Variants in KLHL2 observed in about 807,000 individuals in gnomAD.
KLHL2 encodes the protein kelch-like protein 2.
A neutral mutation model predicts 75.8 loss-of-function variants in KLHL2; 15 were observed. That is an observed-to-expected ratio of 0.20 (90% CI 0.13 to 0.30). KLHL2 has a LOEUF of 0.30. KLHL2 is among the 10% of genes least tolerant of loss of function. The probability of loss-of-function intolerance (pLI) is 1.00; values close to 1 mark genes in which losing one functional copy is unlikely to be tolerated. For synonymous variants in KLHL2, 214 were observed against 251.9 expected (o/e 0.85, Z 1.42); for missense variants, 381 against 741.0 (o/e 0.51, Z 5.64).
At chr4:165,272,412 A>T (rs986716261) in intron 5 of KLHL2, among the ~76,000 whole-genome samples, 1 of 152,212 alleles carries the variant, frequency 6.6e-6, no homozygotes, top group African/African-American at 2.4e-5. Context: ...TTCAGATTCC[A>T]TTAACTGCTA....
Position 165,313,296 on chromosome 4 carries a change from A to T in KLHL2, c.1398A>T (p.Val466=). The change falls in exon 12 of 15, where the codon GTA becomes GTT. Residue 466 remains valine (V), a synonymous_variant. Transcript: ENST00000226725. The part of the protein sequence containing the change: ...DGASRQCLST[V]ECYNATTNEW... The stretch of plus-strand genomic sequence containing the variant: ...CATCACGTCAGTGTCTTAGCACAGT[A>T]GAATGCTATAATGCTACAACAAATG... 1 of 1,602,368 alleles carries T rather than the reference A, an allele frequency of 6.2e-7. No homozygotes were observed. Among genetic ancestry groups the T allele is most frequent in the Non-Finnish European group, 8.5e-7 (1 of 1,175,266 alleles).
intron 5 of KLHL2, among the ~76,000 whole-genome samples, chr4:165,283,942 G>C (rs1397964422): frequency 6.6e-6 from 1 of 152,232 alleles, no homozygotes; most frequent in East Asian, 1.9e-4. Flanking sequence ...CAAGGCTTGA[G>C]GCTTGCACCC....
chr4:165,208,016 G>GA, intron 1 of KLHL2, 114 bp downstream of exon 1: 1 of 667,042 alleles, frequency 1.5e-6, no homozygotes, highest in Non-Finnish European at 2.1e-6. Context: ...CGGGAGGTGG[G>GA]AGATGCGGGG....
chr4:165,304,367 A>C (rs539035386), intron 8 of KLHL2, among the ~76,000 whole-genome samples: 12 of 152,270 alleles, frequency 7.9e-5, no homozygotes, highest in African/African-American at 2.9e-4. Context: ...TTTAATTCTA[A>C]GTACAGGTAG....
At chr4:165,210,207 A>C in intron 1 of KLHL2, 2 of 1,548,978 alleles carry the variant, frequency 1.3e-6, no homozygotes, top group Non-Finnish European at 1.7e-6. Flanking sequence ...TAATTCATTC[A>C]ATGTGCAAAT....
rs557934394 is a variant in KLHL2, at chr4:165,238,608, G to GTGA, written c.260-169_260-167dup. Among the ~76,000 whole-genome samples, 485 of 152,316 alleles carry GTGA rather than the reference G, an allele frequency of 3.2e-3. 1 individual carries two copies. The highest frequency in any genetic ancestry group is 5.7e-3 in the Non-Finnish European group (387 of 68,026). ...AAAGTACATTTTATGATTTGCTCAG[G>GTGA]TGAGCTTTTGGAAGAGGAAGGGGGG... is the stretch of plus-strand genomic sequence containing the variant. On this transcript the variant is annotated intron_variant, in intron 3 of 14. Transcript: ENST00000226725.
chr4:165,288,513 A>T (rs768234496), intron 5 of KLHL2, among the ~76,000 whole-genome samples: 5 of 152,152 alleles, frequency 3.3e-5, no homozygotes, highest in Non-Finnish European at 7.4e-5. Flanking sequence ...GCATTCTCAC[A>T]TCTGTCGTTC....
chr4:165,211,313 T>C (rs1165839816), intron 1 of KLHL2, among the ~76,000 whole-genome samples: 1 of 152,242 alleles, frequency 6.6e-6, no homozygotes, highest in Non-Finnish European at 1.5e-5. Context: ...CTTCCTCAAA[T>C]ATAAGGAAGA....
chr4:165,292,713 C>T (rs1253073842), intron 5 of KLHL2, among the ~76,000 whole-genome samples: 4 of 151,974 alleles, frequency 2.6e-5, no homozygotes, highest in African/African-American at 9.7e-5. Flanking sequence ...GAAGGGGAAG[C>T]CAACTGTTCC....
intron 8 of KLHL2, among the ~76,000 whole-genome samples, chr4:165,301,776 T>G (rs1215903560): frequency 6.6e-6 from 1 of 152,226 alleles, no homozygotes; most frequent in Non-Finnish European, 1.5e-5. Context: ...TACTTCATAT[T>G]TGTAAAAAAG....
At chr4:165,321,964 G>T in intron 14 of KLHL2, 68 bp from the exon 15 acceptor site, 1 of 1,333,982 alleles carries the variant, frequency 7.5e-7, no homozygotes, top group South Asian at 1.2e-5. Flanking sequence ...ATGAAGAATT[G>T]AGTGTTTTCT....
chr4:165,208,646 G>C (rs749662042), intron 1 of KLHL2: 2 of 151,634 alleles, frequency 1.3e-5, no homozygotes, highest in Non-Finnish European at 2.9e-5. Context: ...TTCAGAACAA[G>C]GGTTTTTTTT....
intron 8 of KLHL2, among the ~76,000 whole-genome samples, chr4:165,303,271 A>G (rs1469763849): frequency 6.6e-6 from 1 of 152,204 alleles, no homozygotes; most frequent in Non-Finnish European, 1.5e-5. Flanking sequence ...TAGAAATCTT[A>G]TATTCAAACT....
In KLHL2 at chr4:165,322,565, T is replaced by C. The variant is rs937828350; in HGVS notation, c.*505T>C. On this transcript the variant is annotated 3_prime_UTR_variant, in exon 15 of 15. Transcript: ENST00000226725. ...AATAACTTTGATTACATGAATATAA[T>C]AAATTATGTGCATATAAATGTGTGT... 1 of 152,922 alleles carries C rather than the reference T, an allele frequency of 6.5e-6. No homozygotes were observed. Among genetic ancestry groups the C allele is most frequent in the African/African-American group, 2.4e-5 (1 of 41,468 alleles). The allele number at this position is 152,922 out of a possible 1,614,324, so 9.5% of individuals were successfully genotyped here. A position where few individuals can be genotyped will look rare whatever the true frequency, so the allele number is the denominator to read the frequency against.
chr4:165,310,633 G>T lies in KLHL2; in HGVS notation c.1120G>T (p.Asp374Tyr). ...SLRVRTVDSY[D>Y]PVKDQWTSVA... ...AAGAGTTCGCACTGTAGATTCCTAC[G>T]ACCCTGTGAAGGACCAGTGGACCAG... The change falls in exon 10 of 15, where the codon GAC (aspartate) becomes TAC (tyrosine). Residue 374 changes from aspartate to tyrosine, a missense_variant. Physicochemically the swap from Asp to Tyr is radical, Grantham distance 160. This residue lies in a region of KLHL2 where 168 missense variants were observed against 370.4 expected (regional missense o/e 0.45). Coordinates refer to ENST00000226725, the MANE Select transcript of KLHL2 (RefSeq NM_007246.4). 6.2e-7 allele frequency: 1 copy of T among 1,614,020 alleles called. No individual in the cohort carries two copies. Among genetic ancestry groups the T allele is most frequent in the Non-Finnish European group, 8.5e-7 (1 of 1,179,948 alleles).
chr4:165,263,096 T>C lies in KLHL2; in HGVS notation c.382-101T>C, dbSNP rs955907325. ...GGGAATATGGGGGTATGGACGCAGA[T>C]AATAAACTATGGCTGAACATCTTGT... On this transcript the variant is annotated intron_variant, in intron 4 of 14. Coordinates refer to ENST00000226725, the MANE Select transcript of KLHL2 (RefSeq NM_007246.4). The C allele has an allele frequency of 2.9e-6, 3 of 1,026,500 alleles. No homozygotes were observed. The African/African-American group carries it at 4.8e-5, about 16-fold the overall frequency. 63.6% of individuals were successfully genotyped at this position (1,026,500 alleles called of 1,614,324 possible).
chr4:165,238,411 G>A (rs1367025726), intron 3 of KLHL2, among the ~76,000 whole-genome samples: 1 of 152,066 alleles, frequency 6.6e-6, no homozygotes, highest in Non-Finnish European at 1.5e-5. Flanking sequence ...TTAGCCAAAG[G>A]CAGTAACATC....
intron 4 of KLHL2, among the ~76,000 whole-genome samples, chr4:165,239,200 T>G (rs1252954900): frequency 6.6e-6 from 1 of 152,148 alleles, no homozygotes. Context: ...CAATTTTTCT[T>G]TATTCCTTGG....
At chr4:165,309,158 A>C (rs1029488897) in intron 9 of KLHL2, among the ~76,000 whole-genome samples, 17 of 152,334 alleles carry the variant, frequency 1.1e-4, no homozygotes, top group East Asian at 3.9e-4. Flanking sequence ...AAGAACAATA[A>C]AAATTTGAAC....
Sources: gnomAD v4.1 joint callset for allele counts (sites outside exome capture counted in the v4.1 genomes callset) on GRCh38, gnomAD v4.1.1 for gene constraint, gnomAD v4.1.1 regional missense constraint, MANE v1.5 for transcripts, NCBI Gene and HGNC (gene_info 2026-07-23, HGNC 2026-07-21) for gene names.